The following FSD1 variants were observed in gnomAD, a reference collection of about 807,000 sequenced individuals.
FSD1 encodes the protein fibronectin type III and SPRY domain containing 1.
In FSD1, 23 loss-of-function variants were observed where a neutral mutation model predicts 58.2. The observed-to-expected ratio is 0.40, with a 90% CI of 0.28 to 0.56. The LOEUF (loss-of-function observed/expected upper bound fraction) is 0.56. FSD1 is among the 20% of genes least tolerant of loss of function. The probability of loss-of-function intolerance (pLI) is 0.54; values close to 1 mark genes in which losing one functional copy is unlikely to be tolerated. For missense variants in FSD1, 563 were observed against 670.8 expected (o/e 0.84, Z 1.78); for synonymous variants, 265 against 263.4 (o/e 1.01, Z -0.06).
chr19:4,316,407 G>A (rs1376919985), intron 7 of FSD1, among the ~76,000 whole-genome samples: 1 of 149,896 alleles, frequency 6.7e-6, no homozygotes, highest in Non-Finnish European at 1.5e-5. Flanking sequence ...TTTTAGTAGA[G>A]ATGCGGTTTC....
In FSD1 at chr19:4,310,953, C is replaced by T. The variant is rs549106705; in HGVS notation, c.490+357C>T. On this transcript the variant is annotated intron_variant, in intron 6 of 12. Transcript: ENST00000221856. ...AACTCACCAGGTGGGAAAATCCTGT[C>T]CCCAGGGGTGGAGCCCTGAGAATAG... The T allele has an allele frequency of 5.0e-5, 10 of 199,332 alleles. No individual in the cohort carries two copies. The South Asian group carries it at 7.9e-4, about 16-fold the overall frequency. 12.3% of individuals were successfully genotyped at this position (199,332 alleles called of 1,614,324 possible). A position where few individuals can be genotyped will look rare whatever the true frequency, so the allele number is the denominator to read the frequency against.
chr19:4,310,321 C>T, intron 5 of FSD1, 26 bp downstream of exon 5: 1 of 1,613,492 alleles, frequency 6.2e-7, no homozygotes, highest in South Asian at 1.1e-5. Context: ...CTGGCCCCCA[C>T]CCCACTACCC....
intron 1 of FSD1, 49 bp downstream of exon 1, chr19:4,304,810 G>GGGGGGGGGC: frequency 2.1e-5 from 7 of 336,334 alleles, no homozygotes; most frequent in East Asian, 9.7e-5. Flanking sequence ...CGGGGGCGGG[G>GGGGGGGGGC]AAGGGGACCA....
chr19:4,317,465 G>A (rs1286689955), intron 8 of FSD1, among the ~76,000 whole-genome samples, 185 bp downstream of exon 8: 1 of 152,038 alleles, frequency 6.6e-6, no homozygotes, highest in Non-Finnish European at 1.5e-5. Flanking sequence ...TTGCTTCTGA[G>A]GTTTACCCAG....
At chr19:4,317,031 G>A in intron 7 of FSD1, 151 bp from the exon 8 acceptor site, 1 of 567,026 alleles carries the variant, frequency 1.8e-6, no homozygotes, top group Non-Finnish European at 3.3e-6. Context: ...GGGATTACAG[G>A]CGTGAGCCAG....
At chr19:4,307,761 A>G in intron 3 of FSD1, 121 bp from the exon 4 acceptor site, 2 of 664,788 alleles carry the variant, frequency 3.0e-6, no homozygotes, top group Non-Finnish European at 5.0e-6. Flanking sequence ...TCCAATCTCC[A>G]TCTCTCACCT....
At chr19:4,315,713 G>A (rs1971748358) in intron 7 of FSD1, among the ~76,000 whole-genome samples, 1 of 147,784 alleles carries the variant, frequency 6.8e-6, no homozygotes, top group Admixed American at 6.9e-5. Flanking sequence ...CTGGGTTCAA[G>A]CAATTCTCCT....
chr19:4,307,363 GT>G (rs568618880), intron 3 of FSD1, among the ~76,000 whole-genome samples: 36 of 150,954 alleles, frequency 2.4e-4, no homozygotes, highest in Middle Eastern at 3.5e-3. Flanking sequence ...GCTCATGTGA[GT>G]TTTTTTTGTT....
chr19:4,321,058 G>A (rs112515251), intron 10 of FSD1, among the ~76,000 whole-genome samples: 5,593 of 149,028 alleles, frequency 0.038, 117 homozygotes, highest in Middle Eastern at 0.091. Context: ...CTGGGACTGG[G>A]GAGTATCTGG....
chr19:4,318,451 C>G lies in FSD1; in HGVS notation c.905C>G (p.Ala302Gly). 1 of 1,613,748 alleles carries G rather than the reference C, an allele frequency of 6.2e-7. No homozygotes were observed. Among genetic ancestry groups the G allele is most frequent in the East Asian group, 2.2e-5 (1 of 44,822 alleles). Residue 302 changes from alanine to glycine, a missense_variant, in exon 9 of 13, where the codon GCT becomes GGT. Coordinates refer to ENST00000221856, the MANE Select transcript of FSD1 (RefSeq NM_024333.3). ...AMGGKVQDIKAREKDGKGRTA... is the reference protein window; with the variant it reads ...AMGGKVQDIKGREKDGKGRTA... ...GGCGGGAAGGTGCAGGATATCAAGG[C>G]TCGCGAGAAAGATGGCAAGGGGCGG... is the stretch of plus-strand genomic sequence containing the variant.
chr19:4,308,835 G>A (rs1479419915), intron 4 of FSD1, among the ~76,000 whole-genome samples: 6 of 151,596 alleles, frequency 4.0e-5, no homozygotes, highest in Non-Finnish European at 8.8e-5. Context: ...TCCAGCCTGG[G>A]CAACAGAGCG....
intron 3 of FSD1, 64 bp from the exon 4 acceptor site, chr19:4,307,818 A>G: frequency 8.4e-7 from 1 of 1,193,302 alleles, no homozygotes; most frequent in South Asian, 1.3e-5. Flanking sequence ...TGGGGTGGGG[A>G]GCCCTCAGGG....
intron 6 of FSD1, chr19:4,311,533 A>G (rs561418011): frequency 3.4e-6 from 1 of 298,326 alleles, no homozygotes; most frequent in East Asian, 8.6e-5. Flanking sequence ...AATATAAAAA[A>G]TTAGCCGGGC....
chr19:4,313,773 C>T (rs1971722360), intron 7 of FSD1, among the ~76,000 whole-genome samples: 1 of 150,498 alleles, frequency 6.6e-6, no homozygotes, highest in Admixed American at 6.6e-5. Flanking sequence ...ACGCTGTAAT[C>T]CCAGCACTTT....
At chr19:4,317,481 C>T (rs1322522937) in intron 8 of FSD1, among the ~76,000 whole-genome samples, 2 of 152,166 alleles carry the variant, frequency 1.3e-5, no homozygotes, top group Non-Finnish European at 2.9e-5. Context: ...CCCAGTATAT[C>T]TCGATGGTTT....
In FSD1 at chr19:4,323,032, C is replaced by A; in HGVS notation, c.1086C>A (p.Tyr362Ter). 1 of 1,611,944 alleles carries A rather than the reference C, an allele frequency of 6.2e-7. No individual in the cohort carries two copies. Among genetic ancestry groups the A allele is most frequent in the Non-Finnish European group, 8.5e-7 (1 of 1,179,454 alleles). ...GGGAGCATTACTGGGAGGTGCGCTA[C>A]GAGCCGGACAGCAAGGCGTTCGGCG... is the stretch of plus-strand genomic sequence containing the variant. ...DGGEHYWEVR[Y>*]EPDSKAFGVG... is the part of the protein sequence containing the mutation. Residue 362 changes from tyrosine to a stop codon, truncating the protein, a stop_gained, in exon 11 of 13, where the codon TAC (tyrosine) becomes TAA (stop). Coordinates refer to ENST00000221856, the MANE Select transcript of FSD1 (RefSeq NM_024333.3). LOFTEE classifies it high-confidence loss of function. This position sits in a 1 kb window ranked among gnomAD's most constrained non-coding sequence, Gnocchi z 7.7.
chr19:4,321,466 G>A lies in FSD1; in HGVS notation c.1040-1520G>A, dbSNP rs558251364. Among the ~76,000 whole-genome samples the A allele has an allele frequency of 7.4e-3, 953 of 128,346 alleles. 17 individuals carry two copies. The highest frequency in any genetic ancestry group is 0.036 in the Admixed American group (453 of 12,552). The allele number at this position is 128,346 out of a possible 152,430, so 84.2% of individuals were successfully genotyped here. On this transcript the variant is annotated intron_variant, in intron 10 of 12. Transcript: ENST00000221856. ...CTGGGACTGAGGAGTATCTGGAGGG[G>A]AATAGCTGGGACTGAGGAGTATCTG...
chr19:4,322,291 G>C (rs540398601), intron 10 of FSD1, among the ~76,000 whole-genome samples: 1 of 146,990 alleles, frequency 6.8e-6, no homozygotes, highest in Non-Finnish European at 1.5e-5. Flanking sequence ...GAATAGCTGG[G>C]ATCCTGAGGA....
At chr19:4,318,232 T>C in intron 8 of FSD1, 114 bp from the exon 9 acceptor site, 1 of 1,403,942 alleles carries the variant, frequency 7.1e-7, no homozygotes, top group Non-Finnish European at 9.9e-7. Flanking sequence ...TCCTTGGCTC[T>C]TTGATTCTCT....
Sources: allele counts gnomAD v4.1 joint callset (sites outside exome capture counted in the v4.1 genomes callset), GRCh38; gene constraint gnomAD v4.1.1; non-coding constraint Gnocchi (gnomAD v3.1); transcripts MANE v1.5; gene names NCBI Gene and HGNC (gene_info 2026-07-23, HGNC 2026-07-21).